DCLK1: variants seen among roughly 807,000 people sequenced by gnomAD.
DCLK1 encodes serine/threonine-protein kinase DCLK1.
In DCLK1, 16 loss-of-function variants were observed where a neutral mutation model predicts 86.2. That is an observed-to-expected ratio of 0.19 (90% CI 0.13 to 0.28). The LOEUF (loss-of-function observed/expected upper bound fraction) is 0.28. Among genes scored for constraint, DCLK1 ranks in the 10% least tolerant of loss-of-function variants. The pLI is 1.00. For missense variants in DCLK1, 590 were observed against 940.2 expected (o/e 0.63, Z 4.87); for synonymous variants, 369 against 370.5 (o/e 1.00, Z 0.05).
chr13:35,924,323 G>C (rs972287848), intron 4 of DCLK1, among the ~76,000 whole-genome samples: 3 of 152,088 alleles, frequency 2.0e-5, no homozygotes, highest in Non-Finnish European at 4.4e-5. Context: ...TCACCGTCAA[G>C]ACCAAGTCCT....
At chr13:35,921,277 C>T (rs1484074384) in intron 4 of DCLK1, among the ~76,000 whole-genome samples, 1 of 152,126 alleles carries the variant, frequency 6.6e-6, no homozygotes, top group African/African-American at 2.4e-5. Context: ...CCTGGATTTC[C>T]CAGTTCCTCA....
intron 3 of DCLK1, among the ~76,000 whole-genome samples, chr13:35,969,993 C>T (rs1217865005): frequency 6.6e-6 from 1 of 152,174 alleles, no homozygotes; most frequent in East Asian, 1.9e-4. Context: ...GACTTCCCAG[C>T]CTCCAGAACT....
intron 5 of DCLK1, among the ~76,000 whole-genome samples, chr13:35,867,963 A>AAGAAAGAAAGAGAG (rs796441369): frequency 1.4e-4 from 19 of 135,240 alleles, no homozygotes; most frequent in African/African-American, 4.6e-4. Context: ...GAAAGAAAGA[A>AAGAAAGAAAGAGAG]AGAGAAAAAG....
At chr13:35,932,057 G>A (rs1189904651) in intron 4 of DCLK1, among the ~76,000 whole-genome samples, 1 of 152,182 alleles carries the variant, frequency 6.6e-6, no homozygotes, top group Non-Finnish European at 1.5e-5. Context: ...TGTCTGTGAG[G>A]ATGCTTCTGG....
In DCLK1 at chr13:35,965,968, T is replaced by C. The variant is rs185754833; in HGVS notation, c.724-18511A>G. ...AACAAGATGTCAGGAGATCAGGAAA[T>C]GCTGAGGAAAAACAGAAAGCTCAAG... On this transcript the variant is annotated intron_variant, in intron 3 of 16. Coordinates refer to ENST00000360631, the MANE Select transcript of DCLK1 (RefSeq NM_001330071.2). Among the ~76,000 whole-genome samples the C allele has an allele frequency of 8.0e-4, 121 of 152,162 alleles. 1 individual carries two copies. In the Middle Eastern group the frequency reaches 0.014, roughly 17 times the overall value.
chr13:36,067,485 C>A (rs995973418), intron 3 of DCLK1, among the ~76,000 whole-genome samples: 4 of 147,336 alleles, frequency 2.7e-5, no homozygotes, highest in African/African-American at 7.5e-5. Flanking sequence ...GTGCAGCACA[C>A]CAGCATGGCA....
At chr13:36,085,404 A>T (rs1352322001) in intron 3 of DCLK1, among the ~76,000 whole-genome samples, 1 of 152,074 alleles carries the variant, frequency 6.6e-6, no homozygotes, top group Admixed American at 6.5e-5. Flanking sequence ...TTTTTTTAGA[A>T]TTATGAAAAA....
intron 3 of DCLK1, among the ~76,000 whole-genome samples, chr13:36,013,510 G>A (rs948468417): frequency 3.9e-5 from 6 of 152,166 alleles, no homozygotes; most frequent in Non-Finnish European, 7.3e-5. Flanking sequence ...GTGTGCCCCT[G>A]CTGGGGGGTG....
intron 4 of DCLK1, 34 bp downstream of exon 4, chr13:35,947,324 A>C: frequency 6.3e-7 from 1 of 1,591,276 alleles, no homozygotes; most frequent in Non-Finnish European, 8.6e-7. Context: ...GCTGCCTCAA[A>C]TTTCCCCTGG....
intron 11 of DCLK1, among the ~76,000 whole-genome samples, chr13:35,812,429 T>C (rs1207141461): frequency 1.3e-5 from 2 of 152,228 alleles, no homozygotes; most frequent in African/African-American, 4.8e-5. Context: ...TGATCATCTG[T>C]TACTTGCTGC....
At chr13:35,976,525 G>GTTTGTTTTTTTTT (rs1879342111) in intron 3 of DCLK1, among the ~76,000 whole-genome samples, 1 of 56,350 alleles carries the variant, frequency 1.8e-5, no homozygotes, top group Non-Finnish European at 3.3e-5. Context: ...CTTCTCCGAG[G>GTTTGTTTTTTTTT]TTTTTTTTTT....
intron 3 of DCLK1, among the ~76,000 whole-genome samples, chr13:36,026,715 T>C (rs1038429806): frequency 6.6e-6 from 1 of 152,236 alleles, no homozygotes; most frequent in Admixed American, 6.5e-5. Context: ...TGCATTGCTT[T>C]GAGTGAATCT....
chr13:35,907,880 G>C (rs1874775325), intron 4 of DCLK1, among the ~76,000 whole-genome samples: 1 of 148,480 alleles, frequency 6.7e-6, no homozygotes, highest in Admixed American at 6.7e-5. Flanking sequence ...AAAGTATAGA[G>C]TATAACAATT....
intron 3 of DCLK1, among the ~76,000 whole-genome samples, chr13:36,096,691 G>T (rs1885032308): frequency 6.6e-6 from 1 of 152,140 alleles, no homozygotes; most frequent in South Asian, 2.1e-4. Context: ...AATGCAAAAA[G>T]ATATACACAG....
chr13:35,946,370 G>C (rs141662502), intron 4 of DCLK1, among the ~76,000 whole-genome samples: 4 of 152,304 alleles, frequency 2.6e-5, no homozygotes, highest in Non-Finnish European at 5.9e-5. Context: ...ATGTATATAT[G>C]TGTATAATAT....
At chr13:35,966,340 T>C (rs946655964) in intron 3 of DCLK1, among the ~76,000 whole-genome samples, 3 of 152,190 alleles carry the variant, frequency 2.0e-5, no homozygotes, top group African/African-American at 7.2e-5. Context: ...TCTGCACCCA[T>C]GTTAATAGTA....
intron 4 of DCLK1, among the ~76,000 whole-genome samples, chr13:35,940,710 C>T (rs1206568055): frequency 6.6e-6 from 1 of 152,132 alleles, no homozygotes; most frequent in Non-Finnish European, 1.5e-5. Flanking sequence ...CTAGAGATTC[C>T]CTCCAGAGAA....
At chr13:36,129,641 G>T (rs2138229600) in intron 1 of DCLK1, among the ~76,000 whole-genome samples, 1 of 152,280 alleles carries the variant, frequency 6.6e-6, no homozygotes, top group South Asian at 2.1e-4. Flanking sequence ...CCTTCCACAG[G>T]TTTACACTTT....
intron 4 of DCLK1, among the ~76,000 whole-genome samples, chr13:35,911,870 G>A (rs1044238956): frequency 2.0e-5 from 3 of 152,130 alleles, no homozygotes; most frequent in Non-Finnish European, 4.4e-5. Context: ...TTGTTTTGTT[G>A]TTTAGAGAGC....
Sources: gnomAD v4.1 joint callset for allele counts (sites outside exome capture counted in the v4.1 genomes callset) on GRCh38, gnomAD v4.1.1 for gene constraint, MANE v1.5 for transcripts, NCBI Gene and HGNC (gene_info 2026-07-23, HGNC 2026-07-21) for gene names.